The following ACP3 variants were observed in gnomAD, a reference collection of about 807,000 sequenced individuals.
The protein encoded by ACP3 is acid phosphatase 3, also known as prostatic acid phosphatase.
Under a neutral mutation model 45.6 loss-of-function variants are expected in ACP3, and 38 were observed. The ratio of observed to expected loss-of-function variants is 0.83; its 90% CI spans 0.64 to 1.09. The LOEUF (loss-of-function observed/expected upper bound fraction) is 1.09. Among genes scored for constraint, ACP3 ranks in the 50% least tolerant of loss-of-function variants. The pLI, the probability that ACP3 is intolerant of heterozygous loss-of-function variation, is 0.00. For missense variants in ACP3, 466 were observed against 463.2 expected, an observed-to-expected ratio of 1.01 and a Z score of -0.05; for synonymous variants, 162 against 164.7, an observed-to-expected ratio of 0.98 and a Z score of 0.13.
intron 1 of ACP3, among the ~76,000 whole-genome samples, chr3:132,322,375 T>C (rs1937222801): frequency 6.6e-6 from 1 of 152,234 alleles, no homozygotes; most frequent in Non-Finnish European, 1.5e-5. Flanking sequence ...GACACTCATT[T>C]ACATTACTCA....
At chr3:132,349,258 G>A (rs73862325) in intron 7 of ACP3, among the ~76,000 whole-genome samples, 92 of 152,322 alleles carry the variant, frequency 6.0e-4, no homozygotes, top group African/African-American at 2.1e-3. Flanking sequence ...GATGTGAAGT[G>A]TGAAGAGCAA....
chr3:132,355,428 T>C (rs1347994129), intron 9 of ACP3, among the ~76,000 whole-genome samples: 1 of 152,048 alleles, frequency 6.6e-6, no homozygotes, highest in Admixed American at 6.6e-5. Context: ...AAGTACCCAT[T>C]CATAATACAT....
At chr3:132,345,826 C>T (rs1271651879) in intron 7 of ACP3, among the ~76,000 whole-genome samples, 3 of 152,154 alleles carry the variant, frequency 2.0e-5, no homozygotes, top group Admixed American at 6.6e-5. Flanking sequence ...CCAGCAAAGA[C>T]AAGGACAGAT....
intron 4 of ACP3, among the ~76,000 whole-genome samples, chr3:132,333,154 G>C (rs988065379): frequency 6.6e-6 from 1 of 152,124 alleles, no homozygotes; most frequent in Admixed American, 6.5e-5. Flanking sequence ...AATCTCCCTC[G>C]ATGATTCCAG....
chr3:132,322,688 T>C (rs1937227753), intron 1 of ACP3, among the ~76,000 whole-genome samples: 1 of 152,204 alleles, frequency 6.6e-6, no homozygotes, highest in Admixed American at 6.5e-5. Context: ...GACTCACTGT[T>C]CTAGAAGCAA....
Position 132,341,941 on chromosome 3 carries a change from C to T in ACP3, c.556-611C>T, listed in dbSNP as rs563226698. Among the ~76,000 whole-genome samples the T allele has an allele frequency of 3.3e-4, 51 of 152,282 alleles. 1 individual carries two copies. In the South Asian group the frequency reaches 0.01, roughly 31 times the overall value. Reference sequence around the variant, plus strand: ...AGCTGAACATTGGGTCTCATTATTGCGACATTCCAAGAAACATACAGAACC... The same window carrying T: ...AGCTGAACATTGGGTCTCATTATTGTGACATTCCAAGAAACATACAGAACC... On this transcript the variant is annotated intron_variant, in intron 5 of 9. Transcript: ENST00000336375.
chr3:132,323,194 C>T (rs1937236097), intron 1 of ACP3, among the ~76,000 whole-genome samples: 1 of 151,116 alleles, frequency 6.6e-6, no homozygotes, highest in Non-Finnish European at 1.5e-5. Flanking sequence ...ACACATAGCA[C>T]ACCTTGCTGA....
chr3:132,330,976 T>G (rs1478279593), intron 2 of ACP3, among the ~76,000 whole-genome samples: 1 of 152,204 alleles, frequency 6.6e-6, no homozygotes, highest in Non-Finnish European at 1.5e-5. Context: ...ACGGTAATGG[T>G]TGTGGACCAC....
intron 1 of ACP3, among the ~76,000 whole-genome samples, chr3:132,325,985 G>A (rs771177984): frequency 1.3e-5 from 2 of 152,190 alleles, no homozygotes; most frequent in African/African-American, 2.4e-5. Context: ...AGGAGTTACC[G>A]TTGTGGTTAT....
At position 132,358,723 on chromosome 3, in the gene ACP3, T is replaced by A; in HGVS notation, c.*1845T>A. 1 of 994,576 alleles carries A rather than the reference T, an allele frequency of 1.0e-6. No individual in the cohort carries two copies. The highest frequency in any genetic ancestry group is 1.2e-6 in the Non-Finnish European group (1 of 834,852). 61.6% of individuals were successfully genotyped at this position (994,576 alleles called of 1,614,324 possible). A position where few individuals can be genotyped will look rare whatever the true frequency, so the allele number is the denominator to read the frequency against. On this transcript the variant is annotated 3_prime_UTR_variant, in exon 10 of 10. Coordinates refer to ENST00000336375, the MANE Select transcript of ACP3 (RefSeq NM_001099.5). ...CTGTCTTCTAGCAGTGAGCCAAATG[T>A]AAAATAGTGAATAAAGTCATTATTA...
chr3:132,333,060 T>C (rs189540242), intron 4 of ACP3, among the ~76,000 whole-genome samples: 3 of 152,058 alleles, frequency 2.0e-5, no homozygotes, highest in Non-Finnish European at 4.4e-5. Context: ...CGTGGTTTTT[T>C]AAAAAAAATC....
At position 132,317,577 on chromosome 3, in the gene ACP3, G is replaced by T. The variant is rs1435430927; in HGVS notation, c.120+1G>T. On this transcript the variant is annotated splice_donor_variant, in intron 1 of 9. Coordinates refer to ENST00000336375, the MANE Select transcript of ACP3 (RefSeq NM_001099.5). LOFTEE classifies it high-confidence loss of function. The stretch of plus-strand genomic sequence containing the variant: ...CAAGGAGTTGAAGTTTGTGACTTTG[G>T]TAAGTAGACTTTTCTCATTGCTTTT... The T allele has an allele frequency of 1.2e-6, 2 of 1,609,272 alleles. No homozygotes were observed. Among genetic ancestry groups the T allele is most frequent in the Non-Finnish European group, 1.7e-6 (2 of 1,177,908 alleles).
chr3:132,358,160 C>T lies in ACP3; in HGVS notation c.*1282C>T, dbSNP rs899495228. ...ATCCTTGCATTTTGGAAGGCTGAGGCAGGAGGATCACTTTAGGCCTGGTGT... is the reference window on the plus strand; with the variant it reads ...ATCCTTGCATTTTGGAAGGCTGAGGTAGGAGGATCACTTTAGGCCTGGTGT... On this transcript the variant is annotated 3_prime_UTR_variant, in exon 10 of 10. Transcript: ENST00000336375. 12 of 704,784 alleles carry T rather than the reference C, an allele frequency of 1.7e-5. No homozygotes were observed. The African/African-American group carries it at 2.3e-4, about 14-fold the overall frequency. 43.7% of individuals were successfully genotyped at this position (704,784 alleles called of 1,614,324 possible). A position where few individuals can be genotyped will look rare whatever the true frequency, so the allele number is the denominator to read the frequency against.
intron 2 of ACP3, 95 bp from the exon 3 acceptor site, chr3:132,331,552 C>A: frequency 1.1e-6 from 1 of 883,318 alleles, no homozygotes; most frequent in South Asian, 1.8e-5. Context: ...GTTCATTCTA[C>A]ACACATAATG....
At chr3:132,348,103 A>C (rs1162741439) in intron 7 of ACP3, among the ~76,000 whole-genome samples, 1 of 152,130 alleles carries the variant, frequency 6.6e-6, no homozygotes, top group Non-Finnish European at 1.5e-5. Flanking sequence ...GTTGCAACAG[A>C]TTTTTTAACC....
At chr3:132,350,394 A>T (rs950238881) in intron 8 of ACP3, among the ~76,000 whole-genome samples, 3 of 152,174 alleles carry the variant, frequency 2.0e-5, no homozygotes, top group African/African-American at 7.2e-5. Flanking sequence ...CAAATAAAGT[A>T]AATTATTAGG....
Position 132,317,537 on chromosome 3 carries a change from C to T in ACP3, c.81C>T (p.Asp27=), listed in dbSNP as rs758931304. 2 of 1,613,556 alleles carry T rather than the reference C, an allele frequency of 1.2e-6. No individual in the cohort carries two copies. Among genetic ancestry groups the T allele is most frequent in the South Asian group, 2.2e-5 (2 of 90,956 alleles). The part of the protein sequence containing the change: ...GFLFLLFFWL[D]RSVLAKELKF... ...TGTTTCTGCTTTTTTTCTGGCTAGACCGAAGTGTACTAGCCAAGGAGTTGA... is the reference window on the plus strand; with the variant it reads ...TGTTTCTGCTTTTTTTCTGGCTAGATCGAAGTGTACTAGCCAAGGAGTTGA... Residue 27 remains aspartate, a synonymous_variant, in exon 1 of 10, where the codon GAC becomes GAT. Transcript: ENST00000336375.
intron 1 of ACP3, among the ~76,000 whole-genome samples, chr3:132,319,551 T>C (rs554409960): frequency 6.6e-6 from 1 of 152,362 alleles, no homozygotes; most frequent in South Asian, 2.1e-4. Context: ...CAAATAATTT[T>C]TTAGTCCCAT....
chr3:132,352,464 C>T (rs1937771457), intron 8 of ACP3, among the ~76,000 whole-genome samples: 1 of 151,716 alleles, frequency 6.6e-6, no homozygotes, highest in Non-Finnish European at 1.5e-5. Context: ...TCCCAAAGTG[C>T]TGGGATTACA....
Sources: gnomAD v4.1 joint callset for allele counts (sites outside exome capture counted in the v4.1 genomes callset) on GRCh38, gnomAD v4.1.1 for gene constraint, MANE v1.5 for transcripts, NCBI Gene and HGNC (gene_info 2026-07-23, HGNC 2026-07-21) for gene names.